The following CCBE1 variants were observed in gnomAD, a reference collection of about 807,000 sequenced individuals.
The protein encoded by CCBE1 is collagen and calcium binding EGF domains 1.
In CCBE1, 37 loss-of-function variants were observed where a neutral mutation model predicts 50.0. The ratio of observed to expected loss-of-function variants is 0.74; its 90% CI spans 0.57 to 0.97. The LOEUF (loss-of-function observed/expected upper bound fraction) is 0.97, where lower values mean the gene tolerates loss of function less well. Ranked by LOEUF, CCBE1 falls within the 50% of genes least tolerant of loss-of-function variation. The pLI, the probability that CCBE1 is intolerant of heterozygous loss-of-function variation, is 0.00. For synonymous variants in CCBE1, 234 were observed against 203.7 expected, an observed-to-expected ratio of 1.15 and a Z score of -1.27; for missense variants, 538 against 523.8, an observed-to-expected ratio of 1.03 and a Z score of -0.26.
chr18:59,580,584 G>A (rs1257823032), intron 2 of CCBE1, among the ~76,000 whole-genome samples: 4 of 152,080 alleles, frequency 2.6e-5, no homozygotes, highest in African/African-American at 9.7e-5. Context: ...GAAAATCTTG[G>A]GAATAATCTA....
At chr18:59,671,972 C>A (rs1032813282) in intron 2 of CCBE1, among the ~76,000 whole-genome samples, 2 of 152,092 alleles carry the variant, frequency 1.3e-5, no homozygotes, top group Non-Finnish European at 2.9e-5. Context: ...GCCTGCAAAA[C>A]CCTCAACAGG....
chr18:59,583,255 G>GA (rs376786556), intron 2 of CCBE1, among the ~76,000 whole-genome samples: 3 of 132,138 alleles, frequency 2.3e-5, no homozygotes, highest in Non-Finnish European at 3.4e-5. Context: ...TAAGCCCACA[G>GA]AAAAAAACAA....
intron 2 of CCBE1, among the ~76,000 whole-genome samples, chr18:59,602,616 G>C (rs1360189264): frequency 6.6e-6 from 1 of 152,156 alleles, no homozygotes; most frequent in Non-Finnish European, 1.5e-5. Flanking sequence ...AAAGAGAAAA[G>C]TCCTCTGAGT....
At chr18:59,631,289 G>A (rs995091934) in intron 2 of CCBE1, among the ~76,000 whole-genome samples, 5 of 152,136 alleles carry the variant, frequency 3.3e-5, no homozygotes, top group Non-Finnish European at 7.4e-5. Flanking sequence ...AAGGGAAAGA[G>A]GCTGAATCCT....
intron 2 of CCBE1, among the ~76,000 whole-genome samples, chr18:59,559,408 C>A (rs2052701383): frequency 6.6e-6 from 1 of 152,176 alleles, no homozygotes; most frequent in Non-Finnish European, 1.5e-5. Context: ...AGGCCCCCTA[C>A]TGTGGTGGAG....
chr18:59,615,801 G>A (rs2053629194), intron 2 of CCBE1, among the ~76,000 whole-genome samples: 1 of 152,154 alleles, frequency 6.6e-6, no homozygotes, highest in Non-Finnish European at 1.5e-5. Context: ...CACGGACATA[G>A]CTAGAACAGT....
intron 2 of CCBE1, chr18:59,563,982 A>T (rs1190390150): frequency 6.6e-6 from 1 of 152,226 alleles, no homozygotes; most frequent in East Asian, 1.9e-4. Context: ...ATCTGGAGTG[A>T]TGAACCTATG....
chr18:59,479,993 A>C (rs985003530), intron 3 of CCBE1, among the ~76,000 whole-genome samples, 193 bp downstream of exon 3: 1 of 152,264 alleles, frequency 6.6e-6, no homozygotes. Context: ...CACATCATGT[A>C]ATGATTCAGA....
chr18:59,639,351 C>T (rs978368959), intron 2 of CCBE1, among the ~76,000 whole-genome samples: 1 of 152,124 alleles, frequency 6.6e-6, no homozygotes, highest in Admixed American at 6.5e-5. Flanking sequence ...ATATGTTAAT[C>T]AAGAAATGTG....
At chr18:59,656,566 A>C (rs56175311) in intron 2 of CCBE1, among the ~76,000 whole-genome samples, 2,258 of 152,336 alleles carry the variant, frequency 0.015, 42 homozygotes, top group African/African-American at 0.052. Flanking sequence ...CCACTCTGAG[A>C]ACATGAATTC....
At chr18:59,601,063 A>T (rs2053425271) in intron 2 of CCBE1, among the ~76,000 whole-genome samples, 1 of 104,264 alleles carries the variant, frequency 9.6e-6, no homozygotes, top group Admixed American at 1.6e-4. Context: ...ACAGGGTCTC[A>T]CTCTGTCTCC....
rs2144361334 is a variant in CCBE1, at chr18:59,534,068, A to C, written c.213-53830T>G. Among the ~76,000 whole-genome samples the C allele has an allele frequency of 2.0e-5, 3 of 151,928 alleles. No individual in the cohort carries two copies. The Middle Eastern group carries it at 0.01, about 520-fold the overall frequency. The stretch of plus-strand genomic sequence containing the variant: ...ATAACCACCCTGTTCCTCCTTTTCA[A>C]AAGTGTTCGATTCCGCCTTAGTGAT... On this transcript the variant is annotated intron_variant, in intron 2 of 10. Transcript: ENST00000439986.
chr18:59,569,063 T>C (rs1256759021), intron 2 of CCBE1, among the ~76,000 whole-genome samples: 2 of 152,186 alleles, frequency 1.3e-5, no homozygotes, highest in Non-Finnish European at 2.9e-5. Flanking sequence ...GAGGGGTGCA[T>C]CTCGGGTTAT....
chr18:59,655,530 G>A (rs548532031), intron 2 of CCBE1, among the ~76,000 whole-genome samples: 2 of 152,308 alleles, frequency 1.3e-5, no homozygotes, highest in South Asian at 4.1e-4. Context: ...GATCCTTTGG[G>A]CTTTTTACAG....
intron 2 of CCBE1, among the ~76,000 whole-genome samples, chr18:59,607,407 T>C (rs2053513202): frequency 6.6e-6 from 1 of 152,180 alleles, no homozygotes; most frequent in Non-Finnish European, 1.5e-5. Flanking sequence ...TTTACCATTA[T>C]TGTTCCAGTT....
Position 59,469,185 on chromosome 18 carries a change from T to TTA in CCBE1, c.400+286_400+287dup, listed in dbSNP as rs1325057270. 7.9e-5 allele frequency among the ~76,000 whole-genome samples: 12 copies of TTA among 152,362 alleles called. 1 individual carries two copies. Among genetic ancestry groups the TTA allele is most frequent in the African/African-American group, 2.2e-4 (9 of 41,590 alleles). On this transcript the variant is annotated intron_variant, in intron 4 of 10. Transcript: ENST00000439986. ...TCTGCGTTTTTACTTTTCTGACCACTTATACTCTGTTTTACATTATTCTAG... is the reference window on the plus strand; with the variant it reads ...TCTGCGTTTTTACTTTTCTGACCACTTATATACTCTGTTTTACATTATTCTAG...
intron 2 of CCBE1, among the ~76,000 whole-genome samples, chr18:59,524,942 C>T (rs1260115213): frequency 6.6e-6 from 1 of 152,132 alleles, no homozygotes; most frequent in African/African-American, 2.4e-5. Flanking sequence ...CTTTTAATGG[C>T]TGTATAGTGT....
chr18:59,644,821 T>A (rs1248081011), intron 2 of CCBE1, among the ~76,000 whole-genome samples: 1 of 152,194 alleles, frequency 6.6e-6, no homozygotes, highest in African/African-American at 2.4e-5. Context: ...TCCTACATTT[T>A]AAAAAAGTCA....
At chr18:59,612,768 T>G (rs1036924063) in intron 2 of CCBE1, among the ~76,000 whole-genome samples, 8 of 150,876 alleles carry the variant, frequency 5.3e-5, no homozygotes, top group African/African-American at 1.9e-4. Context: ...TTGGGTGACT[T>G]CCTTTCACTC....
Sources: gnomAD v4.1 joint callset for allele counts (sites outside exome capture counted in the v4.1 genomes callset) on GRCh38, gnomAD v4.1.1 for gene constraint, MANE v1.5 for transcripts, NCBI Gene and HGNC (gene_info 2026-07-23, HGNC 2026-07-21) for gene names.